PIK3CB: variants seen among roughly 807,000 people sequenced by gnomAD.
The protein encoded by PIK3CB is phosphatidylinositol 4,5-bisphosphate 3-kinase catalytic subunit beta isoform.
In PIK3CB, 39 loss-of-function variants were observed where a neutral mutation model predicts 136.8. The observed-to-expected ratio is 0.29, with a 90% confidence interval of 0.22 to 0.37. The LOEUF (loss-of-function observed/expected upper bound fraction) is 0.37. PIK3CB is among the 10% of genes least tolerant of loss of function. The pLI, the probability that PIK3CB is intolerant of heterozygous loss-of-function variation, is 1.00. For missense variants in PIK3CB, 868 were observed against 1,275.4 expected, an observed-to-expected ratio of 0.68 and a Z score of 4.87; for synonymous variants, 428 against 436.6, an observed-to-expected ratio of 0.98 and a Z score of 0.25.
At position 138,675,012 on chromosome 3, in the gene PIK3CB, C is replaced by T. The variant is rs182161888; in HGVS notation, c.2504+6955G>A. On this transcript the variant is annotated intron_variant, in intron 19 of 23. Coordinates refer to ENST00000674063, the MANE Select transcript of PIK3CB (RefSeq NM_006219.3). Reference sequence around the variant, plus strand: ...GGTGGAGGTGTCAGTGAGCCGAGACCGCGCCACTGCACTCCAGCCTGGGCG... The same window carrying T: ...GGTGGAGGTGTCAGTGAGCCGAGACTGCGCCACTGCACTCCAGCCTGGGCG... Among the ~76,000 whole-genome samples the T allele has an allele frequency of 2.6e-5, 4 of 152,086 alleles. No homozygotes were observed. In the East Asian group the frequency reaches 5.8e-4, roughly 22 times the overall value.
chr3:138,679,011 A>G (rs921354851), intron 19 of PIK3CB, among the ~76,000 whole-genome samples: 29 of 152,280 alleles, frequency 1.9e-4, no homozygotes, highest in African/African-American at 6.7e-4. Context: ...GATTGCAGTG[A>G]GCTGAGATCC....
rs1007734138 is a variant in PIK3CB at position 138,652,898 on chromosome 3, T to G, written c.*2491A>C. ...ACTATGTACTCACAAAAATTAAAAA[T>G]TAAGAATTTGCATTTTTAACCAGTT... On this transcript the variant is annotated 3_prime_UTR_variant, in exon 24 of 24. Transcript: ENST00000674063. 2.3e-5 allele frequency: 5 copies of G among 213,752 alleles called. No individual in the cohort carries two copies. Among genetic ancestry groups the G allele is most frequent in the Admixed American group, 5.8e-5 (1 of 17,126 alleles). The allele number at this position is 213,752 out of a possible 1,614,324, so 13.2% of individuals were successfully genotyped here.
Position 138,784,187 on chromosome 3 carries a change from A to ACCAG in PIK3CB, c.-17+12272_-17+12275dup, listed in dbSNP as rs199815339. ...GATCACCTGAGGTCAGGAGTTTGAGACCAGCCTGACCAACATGGTGAAACC... is the reference window on the plus strand; with the variant it reads ...GATCACCTGAGGTCAGGAGTTTGAGACCAGCCAGCCTGACCAACATGGTGAAACC... On this transcript the variant is annotated intron_variant, in intron 2 of 23. Transcript: ENST00000674063. Among the ~76,000 whole-genome samples the ACCAG allele has an allele frequency of 1.0e-2, 1,521 of 152,292 alleles. 15 individuals carry two copies. The highest frequency in any genetic ancestry group is 0.015 in the Non-Finnish European group (1,039 of 68,012).
At chr3:138,656,990 A>C (rs2043202494) in intron 22 of PIK3CB, among the ~76,000 whole-genome samples, 1 of 151,516 alleles carries the variant, frequency 6.6e-6, no homozygotes, top group Admixed American at 6.6e-5. Context: ...CTGGTCTCAA[A>C]CTCCGACCTC....
Position 138,654,256 on chromosome 3 carries a change from A to G in PIK3CB, c.*1133T>C, listed in dbSNP as rs993729879. ...AGAGATCACCCATTTACACATTCAAACCAGTAGTTCCTATTGCACATATTA... is the reference window on the plus strand; with the variant it reads ...AGAGATCACCCATTTACACATTCAAGCCAGTAGTTCCTATTGCACATATTA... On this transcript the variant is annotated 3_prime_UTR_variant, in exon 24 of 24. Coordinates refer to ENST00000674063, the MANE Select transcript of PIK3CB (RefSeq NM_006219.3). 9.3e-6 allele frequency: 2 copies of G among 214,720 alleles called. No individual in the cohort carries two copies. 13.3% of individuals were successfully genotyped at this position (214,720 alleles called of 1,614,324 possible).
At chr3:138,780,366 G>A (rs1272919639) in intron 2 of PIK3CB, among the ~76,000 whole-genome samples, 1 of 152,104 alleles carries the variant, frequency 6.6e-6, no homozygotes, top group Non-Finnish European at 1.5e-5. Flanking sequence ...CGCCTCCAGG[G>A]TTCAAGTGAT....
Position 138,712,274 on chromosome 3 carries a change from C to T in PIK3CB, c.1333G>A (p.Val445Ile). ...HYPVAWVNTM[V>I]FDFKGQLRTG... The stretch of plus-strand genomic sequence containing the variant: ...CTCAATTGTCCTTTAAAGTCAAAAA[C>T]CATCGTATTTACCCACGCTACAGGA... The change falls in exon 10 of 24, where the codon GTT (valine) becomes ATT (isoleucine). Residue 445 changes from valine (V) to isoleucine (I), a missense_variant. By Grantham distance (29) the Val-to-Ile change is conservative. Coordinates refer to ENST00000674063, the MANE Select transcript of PIK3CB (RefSeq NM_006219.3). 6.3e-7 allele frequency: 1 copy of T among 1,580,812 alleles called. No homozygotes were observed. Among genetic ancestry groups the T allele is most frequent in the Non-Finnish European group, 8.6e-7 (1 of 1,158,736 alleles).
At chr3:138,826,418 T>G in intron 1 of PIK3CB, 59 of 1,120,466 alleles carry the variant, frequency 5.3e-5, no homozygotes, top group Non-Finnish European at 7.3e-5. Context: ...CATTTAGGTT[T>G]AATAGTAAAT....
chr3:138,721,621 A>G (rs2044728199), intron 8 of PIK3CB, among the ~76,000 whole-genome samples: 1 of 152,236 alleles, frequency 6.6e-6, no homozygotes, highest in African/African-American at 2.4e-5. Flanking sequence ...TGCATACAGA[A>G]TTTCCTGAAA....
rs368132039 is a variant in PIK3CB, at chr3:138,691,125, T to C, written c.1911A>G (p.Gln637=). 1.1e-4 allele frequency: 181 copies of C among 1,612,728 alleles called. No individual in the cohort carries two copies. The highest frequency in any genetic ancestry group is 4.2e-4 in the Admixed American group (25 of 59,812). The change falls in exon 15 of 24, where the codon CAA becomes CAG. Residue 637 remains glutamine, a synonymous_variant. Transcript: ENST00000674063. ...ACACTTGCACCAGTTGTAAAAGATA[T>C]TGAGAAAGTTCTTCATCACTGAAAG... ...LRQMSDEELS[Q]YLLQLVQVLK...
chr3:138,768,843 A>G (rs1185896275), intron 2 of PIK3CB, among the ~76,000 whole-genome samples: 1 of 152,214 alleles, frequency 6.6e-6, no homozygotes, highest in Non-Finnish European at 1.5e-5. Context: ...CCAAGGTCAG[A>G]CTGGGTGCCG....
At chr3:138,729,938 C>A (rs1209833803) in intron 8 of PIK3CB, among the ~76,000 whole-genome samples, 1 of 152,012 alleles carries the variant, frequency 6.6e-6, no homozygotes, top group Non-Finnish European at 1.5e-5. Context: ...GGATTCTTAG[C>A]CAGTGCATAC....
At chr3:138,655,670 C>T (rs2043178504) in intron 23 of PIK3CB, 144 bp from the exon 24 acceptor site, 7 of 653,756 alleles carry the variant, frequency 1.1e-5, no homozygotes, top group South Asian at 1.8e-5. Flanking sequence ...ATATCATCTG[C>T]AGGAGGCAGA....
chr3:138,733,733 CTGGGCATGG>C (rs1040032207), intron 7 of PIK3CB, among the ~76,000 whole-genome samples: 1 of 152,124 alleles, frequency 6.6e-6, no homozygotes. Flanking sequence ...AAAAAATTAG[CTGGGCATGG>C]TGGCGGGCGC....
rs375325216 is a variant in PIK3CB, at chr3:138,737,262, G to A, written c.801+445C>T. ...ACAAAAAGAAGCTGGGCATGGTGGCGCACACCTGTAATCCCAACTACTCGG... is the reference window on the plus strand; with the variant it reads ...ACAAAAAGAAGCTGGGCATGGTGGCACACACCTGTAATCCCAACTACTCGG... On this transcript the variant is annotated intron_variant, in intron 6 of 23. Transcript: ENST00000674063. Among the ~76,000 whole-genome samples, 37 of 151,550 alleles carry A rather than the reference G, an allele frequency of 2.4e-4. No individual in the cohort carries two copies. In the East Asian group the frequency reaches 6.0e-3, roughly 25 times the overall value.
intron 6 of PIK3CB, among the ~76,000 whole-genome samples, 158 bp from the exon 7 acceptor site, chr3:138,734,962 T>C (rs2045072776): frequency 6.6e-6 from 1 of 150,818 alleles, no homozygotes; most frequent in Non-Finnish European, 1.5e-5. Flanking sequence ...ATTTTTTTTT[T>C]TTTTTTTTGA....
chr3:138,722,731 G>A (rs1359047868), intron 8 of PIK3CB, among the ~76,000 whole-genome samples: 3 of 150,308 alleles, frequency 2.0e-5, no homozygotes, highest in Non-Finnish European at 3.0e-5. Flanking sequence ...ATTATAATGG[G>A]CTAAAAAAAA....
intron 19 of PIK3CB, among the ~76,000 whole-genome samples, chr3:138,669,131 G>A (rs950850524): frequency 6.6e-6 from 1 of 152,086 alleles, no homozygotes; most frequent in East Asian, 1.9e-4. Context: ...AGGGAAGTAG[G>A]CCAGGTGCGG....
chr3:138,677,809 C>G (rs1444934355), intron 19 of PIK3CB, among the ~76,000 whole-genome samples: 1 of 152,020 alleles, frequency 6.6e-6, no homozygotes, highest in Non-Finnish European at 1.5e-5. Flanking sequence ...GCAGGAGAAT[C>G]ACTTGAACCT....
Sources: allele counts gnomAD v4.1 joint callset (sites outside exome capture counted in the v4.1 genomes callset), GRCh38; gene constraint gnomAD v4.1.1; transcripts MANE v1.5; gene names NCBI Gene and HGNC (gene_info 2026-07-23, HGNC 2026-07-21).